The following WDPCP variants were observed in gnomAD, a reference collection of about 807,000 sequenced individuals.
WDPCP encodes WD repeat-containing and planar cell polarity effector protein fritz homolog.
A neutral mutation model predicts 93.1 loss-of-function variants in WDPCP; 71 were observed. The observed-to-expected ratio is 0.76, with a 90% confidence interval of 0.63 to 0.93. The LOEUF (loss-of-function observed/expected upper bound fraction) is 0.93. Ranked by LOEUF, WDPCP falls within the 40% of genes least tolerant of loss-of-function variation. The pLI is 0.00. For synonymous variants in WDPCP, 315 were observed against 315.0 expected, an observed-to-expected ratio of 1.00 and a Z score of 0.00; for missense variants, 844 against 887.4, an observed-to-expected ratio of 0.95 and a Z score of 0.62.
At chr2:63,209,101 G>C (rs1362532799) in intron 14 of WDPCP, among the ~76,000 whole-genome samples, 1 of 152,178 alleles carries the variant, frequency 6.6e-6, no homozygotes, top group Admixed American at 6.5e-5. Context: ...AACAAAAACA[G>C]TAAGAGTAGT....
chr2:63,589,751 T>C (rs1709126523), upstream of WDPCP, among the ~76,000 whole-genome samples: 1 of 152,164 alleles, frequency 6.6e-6, no homozygotes. Context: ...CTGGGTAACC[T>C]GCATCTCCAT....
chr2:63,805,212 A>G (rs1670747304), intron 2 of WDPCP, among the ~76,000 whole-genome samples: 1 of 152,132 alleles, frequency 6.6e-6, no homozygotes, highest in South Asian at 2.1e-4. Context: ...TGATAAGCAT[A>G]TTGCTTTCTA....
At chr2:63,527,437 T>C (rs1351256751) in intron 1 of WDPCP, among the ~76,000 whole-genome samples, 2 of 143,572 alleles carry the variant, frequency 1.4e-5, no homozygotes, top group Non-Finnish European at 3.0e-5. Flanking sequence ...TTCTCACTGT[T>C]CAATTCCCAG....
intron 17 of WDPCP, among the ~76,000 whole-genome samples, chr2:63,122,766 T>G (rs1669632787): frequency 6.6e-6 from 1 of 151,996 alleles, no homozygotes; most frequent in Non-Finnish European, 1.5e-5. Context: ...ATGGTAAAAG[T>G]AAAAGGTAAA....
intron 2 of WDPCP, chr2:63,717,721 A>C: frequency 2.2e-6 from 1 of 451,202 alleles, no homozygotes; most frequent in Non-Finnish European, 4.4e-6. Flanking sequence ...GTTGATGCCC[A>C]CAGTTGGGTG....
At chr2:63,540,090 T>C (rs1186830869) in intron 1 of WDPCP, among the ~76,000 whole-genome samples, 2 of 152,204 alleles carry the variant, frequency 1.3e-5, no homozygotes, top group African/African-American at 2.4e-5. Context: ...TACTTAAAGG[T>C]GACTTAAAGA....
At chr2:63,262,626 A>G (rs892618700) in intron 13 of WDPCP, among the ~76,000 whole-genome samples, 1 of 151,588 alleles carries the variant, frequency 6.6e-6, no homozygotes, top group African/African-American at 2.4e-5. Flanking sequence ...TGAGTACTTT[A>G]TGTTTAGACG....
chr2:63,424,670 T>C (rs577788965), intron 9 of WDPCP, among the ~76,000 whole-genome samples: 1 of 152,280 alleles, frequency 6.6e-6, no homozygotes, highest in South Asian at 2.1e-4. Context: ...GTGGCCAGCA[T>C]GTAAGCGGGG....
chr2:63,390,482 T>C (rs1421434791), intron 10 of WDPCP, among the ~76,000 whole-genome samples: 6 of 151,994 alleles, frequency 3.9e-5, no homozygotes, highest in Non-Finnish European at 8.8e-5. Flanking sequence ...AACATCACAA[T>C]TAAAAGAATA....
intron 13 of WDPCP, among the ~76,000 whole-genome samples, chr2:63,289,602 G>A (rs1684251190): frequency 6.6e-6 from 1 of 151,882 alleles, no homozygotes. Context: ...TTTATATTTA[G>A]GGAATATGCC....
intron 17 of WDPCP, among the ~76,000 whole-genome samples, chr2:63,135,595 G>A (rs545121321): frequency 4.1e-4 from 63 of 152,302 alleles, no homozygotes; most frequent in African/African-American, 1.4e-3. Context: ...GCCTCCCAGC[G>A]TTAGGATTAT....
intron 15 of WDPCP, among the ~76,000 whole-genome samples, chr2:63,160,746 AT>A (rs1672590958): frequency 6.6e-6 from 1 of 152,218 alleles, no homozygotes; most frequent in Admixed American, 6.5e-5. Flanking sequence ...ACAACCCCTA[AT>A]AAAATAATCT....
rs1669543444 is a variant in WDPCP at position 63,121,417 on chromosome 2, C to G, written c.*589G>C. 7.4e-6 allele frequency: 1 copy of G among 135,308 alleles called. No individual in the cohort carries two copies. The highest frequency in any genetic ancestry group is 1.5e-5 in the Non-Finnish European group (1 of 65,018). 8.4% of individuals were successfully genotyped at this position (135,308 alleles called of 1,614,324 possible). A position where few individuals can be genotyped will look rare whatever the true frequency, so the allele number is the denominator to read the frequency against. On this transcript the variant is annotated 3_prime_UTR_variant, in exon 18 of 18. Coordinates refer to ENST00000272321, the MANE Select transcript of WDPCP (RefSeq NM_015910.7). ...TTTTTTTTTTGGAGACAGGGTCACT[C>G]TCTGTTGCCCAGGTTAGAGTGCAGT...
intron 2 of WDPCP, among the ~76,000 whole-genome samples, chr2:63,711,999 C>T (rs1017719726): frequency 2.0e-5 from 3 of 151,972 alleles, no homozygotes; most frequent in African/African-American, 4.8e-5. Context: ...TGAGGTTGTG[C>T]AATTCATTCT....
intron 12 of WDPCP, among the ~76,000 whole-genome samples, chr2:63,324,507 C>G (rs920246300): frequency 8.5e-5 from 13 of 152,160 alleles, no homozygotes. Context: ...TCAAGGCAGA[C>G]CTGGGAAAGT....
chr2:63,534,113 G>A (rs1482285026), intron 1 of WDPCP, among the ~76,000 whole-genome samples: 1 of 152,086 alleles, frequency 6.6e-6, no homozygotes, highest in Non-Finnish European at 1.5e-5. Flanking sequence ...AAATCTAGAA[G>A]AAATGGATAA....
chr2:63,366,953 T>C (rs986903553), intron 12 of WDPCP, among the ~76,000 whole-genome samples: 1 of 152,028 alleles, frequency 6.6e-6, no homozygotes, highest in African/African-American at 2.4e-5. Context: ...TATGGTTACA[T>C]AGTAGAATGT....
chr2:63,626,328 A>G (rs1709810459), intron 3 of WDPCP, among the ~76,000 whole-genome samples: 2 of 152,212 alleles, frequency 1.3e-5, no homozygotes, highest in Non-Finnish European at 2.9e-5. Context: ...AAAAGCTAAA[A>G]TTGACAAATT....
intron 14 of WDPCP, among the ~76,000 whole-genome samples, chr2:63,201,943 A>C (rs1363162892): frequency 6.6e-6 from 1 of 151,852 alleles, no homozygotes; most frequent in East Asian, 1.9e-4. Context: ...CAAGTGGCTA[A>C]ATTTGGGATT....
Sources: gnomAD v4.1 joint callset for allele counts (sites outside exome capture counted in the v4.1 genomes callset) on GRCh38, gnomAD v4.1.1 for gene constraint, MANE v1.5 for transcripts, NCBI Gene and HGNC (gene_info 2026-07-23, HGNC 2026-07-21) for gene names.